WAPL: variants seen among roughly 807,000 people sequenced by gnomAD.
WAPL encodes WAPL cohesin release factor.
Under a neutral mutation model 121.0 loss-of-function variants are expected in WAPL, and 5 were observed. That is an observed-to-expected ratio of 0.04 (90% CI 0.02 to 0.09). The LOEUF is 0.09. Among genes scored for constraint, WAPL ranks in the 10% least tolerant of loss-of-function variants. The pLI is 1.00. For missense variants in WAPL, 999 were observed against 1,410.8 expected (o/e 0.71, Z 4.68); for synonymous variants, 480 against 481.5 (o/e 1.00, Z 0.04).
intron 2 of WAPL, among the ~76,000 whole-genome samples, chr10:86,507,246 T>C (rs1355737699): frequency 3.4e-5 from 5 of 148,628 alleles, no homozygotes; most frequent in Non-Finnish European, 5.9e-5. Flanking sequence ...CAGGCGCCTA[T>C]AATCCCAGCT....
At chr10:86,496,027 T>A (rs576555784) in intron 4 of WAPL, among the ~76,000 whole-genome samples, 1 of 152,166 alleles carries the variant, frequency 6.6e-6, no homozygotes, top group Non-Finnish European at 1.5e-5. Flanking sequence ...GGCAGGAGAA[T>A]TCCTTGAACC....
At chr10:86,476,518 G>A (rs936959418) in intron 4 of WAPL, among the ~76,000 whole-genome samples, 6 of 151,852 alleles carry the variant, frequency 4.0e-5, no homozygotes, top group Admixed American at 2.6e-4. Flanking sequence ...ATGAAACCCC[G>A]TCTCTACTAA....
chr10:86,449,603 C>G lies in WAPL; in HGVS notation c.3114+2364G>C, dbSNP rs1239074729. Among the ~76,000 whole-genome samples, 3 of 152,310 alleles carry G rather than the reference C, an allele frequency of 2.0e-5. No individual in the cohort carries two copies. In the East Asian group the frequency reaches 5.8e-4, roughly 29 times the overall value. On this transcript the variant is annotated intron_variant, in intron 15 of 18. Transcript: ENST00000298767. Reference sequence around the variant, plus strand: ...TTGAGACTATCCCTGAAACAACTCACAAACAGGGATCTCTGAGGGTGTGGG... The same window carrying G: ...TTGAGACTATCCCTGAAACAACTCAGAAACAGGGATCTCTGAGGGTGTGGG...
chr10:86,506,840 G>A (rs1842361327), intron 2 of WAPL, among the ~76,000 whole-genome samples: 1 of 151,782 alleles, frequency 6.6e-6, no homozygotes, highest in African/African-American at 2.4e-5. Context: ...CCACTTCTTT[G>A]CCCTACACTG....
chr10:86,513,851 ACGGAAC>A (rs538895838), intron 2 of WAPL, among the ~76,000 whole-genome samples: 4 of 152,122 alleles, frequency 2.6e-5, no homozygotes, highest in Non-Finnish European at 5.9e-5. Flanking sequence ...GAAAGATATG[ACGGAAC>A]TTCACCTGTG....
intron 2 of WAPL, among the ~76,000 whole-genome samples, chr10:86,501,481 T>C (rs1302674728): frequency 6.6e-6 from 1 of 152,204 alleles, no homozygotes; most frequent in African/African-American, 2.4e-5. Context: ...CCAACTGGTA[T>C]TATTAATTCC....
intron 2 of WAPL, among the ~76,000 whole-genome samples, chr10:86,501,174 T>C (rs1282964813): frequency 3.9e-5 from 6 of 152,198 alleles, no homozygotes; most frequent in Non-Finnish European, 7.4e-5. Context: ...TTATCTGGGA[T>C]AGGGCTGCCC....
intron 15 of WAPL, among the ~76,000 whole-genome samples, chr10:86,449,945 C>T (rs1840937269): frequency 6.6e-6 from 1 of 152,166 alleles, no homozygotes; most frequent in Non-Finnish European, 1.5e-5. Context: ...TGAATCTATA[C>T]ACGTAATAAA....
rs1318858182 is a variant in WAPL at position 86,460,479 on chromosome 10, G to C, written c.2500C>G (p.His834Asp). The C allele has an allele frequency of 6.2e-7, 1 of 1,613,188 alleles. No individual in the cohort carries two copies. Among genetic ancestry groups the C allele is most frequent in the Admixed American group, 1.7e-5 (1 of 59,890 alleles). ...IVDKVKECVDHLSRDEDEEKL... is the reference protein window; with the variant it reads ...IVDKVKECVDDLSRDEDEEKL... ...TCTTCATCCTCATCTCTACTTAAAT[G>C]ATCCACACATTCTTTTACTAGGTGA... Residue 834 changes from histidine to aspartate, a missense_variant, in exon 11 of 19, where the codon CAT becomes GAT. Physicochemically the swap from His to Asp is moderately conservative, Grantham distance 81. Coordinates refer to ENST00000298767, the MANE Select transcript of WAPL (RefSeq NM_015045.5).
At chr10:86,492,460 A>G (rs1323340775) in intron 4 of WAPL, among the ~76,000 whole-genome samples, 1 of 152,200 alleles carries the variant, frequency 6.6e-6, no homozygotes, top group Admixed American at 6.5e-5. Context: ...TGAGATATGT[A>G]CTTTTATTTT....
Position 86,500,655 on chromosome 10 carries a change from T to C in WAPL, c.588A>G (p.Ala196=). 6.2e-7 allele frequency: 1 copy of C among 1,613,654 alleles called. No individual in the cohort carries two copies. Among genetic ancestry groups the C allele is most frequent in the African/African-American group, 1.3e-5 (1 of 75,014 alleles). The change falls in exon 3 of 19, where the codon GCA becomes GCG. Residue 196 remains alanine, a synonymous_variant. Transcript: ENST00000298767. ...TGATTTCAGAAGCCACTGTAGTTTC[T>C]GCATTGGGTTTCTTAGTACTGTCAT... ...NADDSTKKPN[A]ETTVASEIKE...
At position 86,472,428 on chromosome 10, in the gene WAPL, G is replaced by T; in HGVS notation, c.1894-84C>A. 1 of 1,523,450 alleles carries T rather than the reference G, an allele frequency of 6.6e-7. No homozygotes were observed. Among genetic ancestry groups the T allele is most frequent in the Non-Finnish European group, 8.8e-7 (1 of 1,133,702 alleles). The allele number at this position is 1,523,450 out of a possible 1,614,324, so 94.4% of individuals were successfully genotyped here. ...TGGGCTCACTGTACTTTACATAAGTGCATAAAATAGTTCATTAGATGGCAA... is the reference window on the plus strand; with the variant it reads ...TGGGCTCACTGTACTTTACATAAGTTCATAAAATAGTTCATTAGATGGCAA... On this transcript the variant is annotated intron_variant, in intron 6 of 18. Coordinates refer to ENST00000298767, the MANE Select transcript of WAPL (RefSeq NM_015045.5). This position sits in a 1 kb window ranked among gnomAD's most constrained non-coding sequence, Gnocchi z 4.2.
intron 17 of WAPL, among the ~76,000 whole-genome samples, chr10:86,440,911 A>T (rs1235919639): frequency 6.6e-6 from 1 of 151,694 alleles, no homozygotes; most frequent in Non-Finnish European, 1.5e-5. Context: ...AATACAAAGA[A>T]TTAGATGGCT....
At chr10:86,465,355 A>C (rs1841374654) in intron 9 of WAPL, among the ~76,000 whole-genome samples, 1 of 152,072 alleles carries the variant, frequency 6.6e-6, no homozygotes, top group Non-Finnish European at 1.5e-5. Context: ...ACAGGCACCC[A>C]CCACCACGCA....
intron 15 of WAPL, among the ~76,000 whole-genome samples, chr10:86,450,977 G>C (rs986520150): frequency 6.6e-6 from 1 of 152,178 alleles, no homozygotes; most frequent in African/African-American, 2.4e-5. Context: ...TTCCAGACTG[G>C]GTAAGGGAAC....
chr10:86,500,469 A>C lies in WAPL; in HGVS notation c.774T>G (p.Asp258Glu). Residue 258 changes from aspartate to glutamate, a missense_variant, in exon 3 of 19, where the codon GAT becomes GAG. Asp to Glu is a conservative substitution (Grantham distance 45). Transcript: ENST00000298767. ...SEDCILSLDS[D>E]PLLEMKDDDF... ...CGTCATCCTTCATCTCCAAAAGGGG[A>C]TCACTATCCAAACTTAAAATACAGT... 2 of 1,614,210 alleles carry C rather than the reference A, an allele frequency of 1.2e-6. No individual in the cohort carries two copies. Among genetic ancestry groups the C allele is most frequent in the Non-Finnish European group, 1.7e-6 (2 of 1,180,032 alleles).
intron 1 of WAPL, among the ~76,000 whole-genome samples, chr10:86,518,967 C>G (rs142446867): frequency 2.2e-3 from 332 of 152,264 alleles, no homozygotes; most frequent in Non-Finnish European, 3.6e-3. Context: ...TGCCTTGTCC[C>G]GATAGTGCTG....
intron 1 of WAPL, among the ~76,000 whole-genome samples, chr10:86,519,609 C>T (rs1842632279): frequency 1.3e-5 from 2 of 152,200 alleles, no homozygotes; most frequent in African/African-American, 4.8e-5. Flanking sequence ...TGTATTTCAT[C>T]TTCCACTGCA....
intron 13 of WAPL, 57 bp downstream of exon 13, chr10:86,453,599 T>C: frequency 6.6e-7 from 1 of 1,521,372 alleles, no homozygotes. Flanking sequence ...CAAAAATAAC[T>C]TGTTTTCACA....
Sources: allele counts gnomAD v4.1 joint callset (sites outside exome capture counted in the v4.1 genomes callset), GRCh38; gene constraint gnomAD v4.1.1; non-coding constraint Gnocchi (gnomAD v3.1); transcripts MANE v1.5; gene names NCBI Gene and HGNC (gene_info 2026-07-23, HGNC 2026-07-21).